ENOX1: variants seen among roughly 807,000 people sequenced by gnomAD.
ENOX1 encodes the protein ecto-NOX disulfide-thiol exchanger 1.
ENOX1 carries 42 observed loss-of-function variants against 82.5 expected under a neutral mutation model. The ratio of observed to expected loss-of-function variants is 0.51; its 90% CI spans 0.40 to 0.66. The LOEUF (loss-of-function observed/expected upper bound fraction) is 0.66. ENOX1 is among the 30% of genes least tolerant of loss of function. The pLI, the probability that ENOX1 is intolerant of heterozygous loss-of-function variation, is 0.00. For synonymous variants in ENOX1, 271 were observed against 282.2 expected (o/e 0.96, Z 0.40); for missense variants, 608 against 811.6 (o/e 0.75, Z 3.05).
intron 3 of ENOX1, among the ~76,000 whole-genome samples, chr13:43,473,778 G>A (rs1044928584): frequency 6.6e-6 from 1 of 152,112 alleles, no homozygotes; most frequent in Non-Finnish European, 1.5e-5. Flanking sequence ...TCCTGTGCTA[G>A]GGGTGCTGGG....
At chr13:43,362,753 GT>G (rs2050610088) in intron 5 of ENOX1, among the ~76,000 whole-genome samples, 3 of 152,258 alleles carry the variant, frequency 2.0e-5, no homozygotes, top group Admixed American at 6.5e-5. Context: ...CTGGGAAAAG[GT>G]TTACAGATTC....
chr13:43,362,014 A>G (rs1296047241), intron 5 of ENOX1, among the ~76,000 whole-genome samples: 1 of 151,888 alleles, frequency 6.6e-6, no homozygotes, highest in African/African-American at 2.4e-5. Flanking sequence ...GAGTGATTAC[A>G]ATTACTATGG....
intron 1 of ENOX1, among the ~76,000 whole-genome samples, chr13:43,782,208 T>C (rs531902438): frequency 6.6e-6 from 1 of 152,320 alleles, no homozygotes; most frequent in African/African-American, 2.4e-5. Context: ...AGAGGGAAGT[T>C]AATTAAATCT....
At chr13:43,408,745 C>G (rs1263826796) in intron 5 of ENOX1, among the ~76,000 whole-genome samples, 1 of 151,964 alleles carries the variant, frequency 6.6e-6, no homozygotes, top group African/African-American at 2.4e-5. Context: ...ATAGATAAAT[C>G]AGTAGTAAAG....
chr13:43,340,138 C>T (rs1449215300), intron 9 of ENOX1, among the ~76,000 whole-genome samples: 6 of 152,214 alleles, frequency 3.9e-5, no homozygotes, highest in Non-Finnish European at 7.3e-5. Context: ...TATGTACCTA[C>T]CATGTTAGTC....
Position 43,272,567 on chromosome 13 carries a change from T to A in ENOX1, c.1447-2990A>T, listed in dbSNP as rs144400323. Among the ~76,000 whole-genome samples the A allele has an allele frequency of 2.9e-3, 440 of 152,358 alleles. 5 individuals carry two copies. The highest frequency in any genetic ancestry group is 3.8e-3 in the Non-Finnish European group (260 of 68,036). Reference sequence around the variant, plus strand: ...TTTGAAAAATTTTGTACTTCTTTGATTCCCTGTGATTTTAAGCATCTTATA... The same window carrying A: ...TTTGAAAAATTTTGTACTTCTTTGAATCCCTGTGATTTTAAGCATCTTATA... On this transcript the variant is annotated intron_variant, in intron 12 of 16. Coordinates refer to ENST00000690772, the MANE Select transcript of ENOX1 (RefSeq NM_001347969.2).
intron 13 of ENOX1, among the ~76,000 whole-genome samples, chr13:43,267,330 G>T (rs1280060146): frequency 6.6e-6 from 1 of 152,240 alleles, no homozygotes; most frequent in East Asian, 1.9e-4. Context: ...AGTCAGTGGG[G>T]CCTGGAGGGA....
chr13:43,541,336 A>T (rs2078718349), intron 2 of ENOX1, among the ~76,000 whole-genome samples: 1 of 151,788 alleles, frequency 6.6e-6, no homozygotes, highest in South Asian at 2.1e-4. Context: ...TCATCTCTAC[A>T]AAAACAATTT....
chr13:43,322,073 T>C (rs756196436), intron 11 of ENOX1, among the ~76,000 whole-genome samples: 10 of 152,202 alleles, frequency 6.6e-5, no homozygotes, highest in Non-Finnish European at 1.5e-4. Flanking sequence ...AAACCAAATT[T>C]TATCCATATT....
At chr13:43,600,145 G>A (rs1375106126) in intron 2 of ENOX1, among the ~76,000 whole-genome samples, 1 of 152,114 alleles carries the variant, frequency 6.6e-6, no homozygotes, top group East Asian at 1.9e-4. Context: ...GAAAAGGAAA[G>A]GGAAGAGTAA....
At chr13:43,291,370 GA>G (rs1183546598) in intron 12 of ENOX1, among the ~76,000 whole-genome samples, 1 of 152,218 alleles carries the variant, frequency 6.6e-6, no homozygotes, top group East Asian at 1.9e-4. Context: ...AAATAGTGTG[GA>G]GAGCAAGTTC....
chr13:43,767,971 G>A (rs901537442), intron 1 of ENOX1, among the ~76,000 whole-genome samples: 1 of 152,140 alleles, frequency 6.6e-6, no homozygotes, highest in African/African-American at 2.4e-5. Flanking sequence ...GGGAGCGGAG[G>A]GGGGCTTCTT....
intron 3 of ENOX1, among the ~76,000 whole-genome samples, chr13:43,470,340 ACG>A (rs1491569030): frequency 4.6e-4 from 10 of 21,746 alleles, no homozygotes; most frequent in East Asian, 4.3e-3. Context: ...GTATATATAT[ACG>A]TATATATATA....
chr13:43,410,954 G>A (rs371084093), intron 5 of ENOX1, among the ~76,000 whole-genome samples: 13 of 152,180 alleles, frequency 8.5e-5, no homozygotes, highest in African/African-American at 2.7e-4. Flanking sequence ...TGTTTACTGC[G>A]GGAGCCCCTG....
intron 1 of ENOX1, among the ~76,000 whole-genome samples, chr13:43,740,364 C>T (rs1188398448): frequency 6.6e-6 from 1 of 151,954 alleles, no homozygotes; most frequent in Non-Finnish European, 1.5e-5. Context: ...TTTTTTAACA[C>T]CTTTACTGAG....
At chr13:43,630,368 C>T (rs568916142) in intron 2 of ENOX1, among the ~76,000 whole-genome samples, 4 of 152,168 alleles carry the variant, frequency 2.6e-5, no homozygotes, top group African/African-American at 9.6e-5. Context: ...GTCCTTAAAC[C>T]CTACTTTCAA....
intron 1 of ENOX1, among the ~76,000 whole-genome samples, chr13:43,748,157 A>C (rs1302488029): frequency 6.6e-6 from 1 of 152,214 alleles, no homozygotes; most frequent in Non-Finnish European, 1.5e-5. Context: ...CTTGATAACT[A>C]TTTCAATATA....
At chr13:43,270,552 A>G (rs553885363) in intron 12 of ENOX1, among the ~76,000 whole-genome samples, 1 of 152,306 alleles carries the variant, frequency 6.6e-6, no homozygotes, top group Admixed American at 6.5e-5. Context: ...GTTCCTAACC[A>G]TCAAAGCCTG....
chr13:43,505,706 G>A (rs566761906), intron 2 of ENOX1, among the ~76,000 whole-genome samples: 3 of 152,188 alleles, frequency 2.0e-5, no homozygotes, highest in Non-Finnish European at 4.4e-5. Flanking sequence ...TAGGTTGCCT[G>A]TTCACTCTGA....
Sources: allele counts gnomAD v4.1 joint callset (sites outside exome capture counted in the v4.1 genomes callset), GRCh38; gene constraint gnomAD v4.1.1; transcripts MANE v1.5; gene names NCBI Gene and HGNC (gene_info 2026-07-23, HGNC 2026-07-21).